MYO7A: variants seen among roughly 807,000 people sequenced by gnomAD.
The protein encoded by MYO7A is myosin VIIA.
Under a neutral mutation model 263.8 loss-of-function variants are expected in MYO7A, and 210 were observed. The ratio of observed to expected loss-of-function variants is 0.80; its 90% CI spans 0.71 to 0.89. The LOEUF is 0.89. Among genes scored for constraint, MYO7A ranks in the 40% least tolerant of loss-of-function variants. MYO7A has a pLI of 0.00. For synonymous variants in MYO7A, 1,239 were observed against 1,197.3 expected, an observed-to-expected ratio of 1.03 and a Z score of -0.72; for missense variants, 2,820 against 2,968.3, an observed-to-expected ratio of 0.95 and a Z score of 1.16.
chr11:77,158,220 C>A, intron 8 of MYO7A, 57 bp from the exon 9 acceptor site: 1 of 1,496,218 alleles, frequency 6.7e-7, no homozygotes, highest in East Asian at 2.4e-5. Context: ...CAGGCACTGC[C>A]CCTCTGGGGG....
intron 2 of MYO7A, among the ~76,000 whole-genome samples, chr11:77,135,980 C>T (rs1220344276): frequency 2.0e-5 from 3 of 152,154 alleles, no homozygotes; most frequent in African/African-American, 7.2e-5. Flanking sequence ...TACAGTAGTG[C>T]CATCAAACTC....
chr11:77,157,105 C>T (rs1555063522), intron 7 of MYO7A, 101 bp downstream of exon 7: 3 of 1,514,166 alleles, frequency 2.0e-6, no homozygotes, highest in Non-Finnish European at 2.7e-6. Context: ...TGCTCCCCCA[C>T]CTGCCCGTAT....
intron 29 of MYO7A, among the ~76,000 whole-genome samples, 197 bp downstream of exon 29, chr11:77,190,336 C>T (rs963154654): frequency 9.2e-5 from 14 of 152,234 alleles, no homozygotes; most frequent in Non-Finnish European, 2.9e-5. Flanking sequence ...ATGAGGGACT[C>T]CATTTGCTGG....
At chr11:77,159,418 C>A in intron 9 of MYO7A, 29 bp from the exon 10 acceptor site, 2 of 1,524,372 alleles carry the variant, frequency 1.3e-6, no homozygotes, top group Middle Eastern at 1.7e-4. Context: ...CCCTCCCTCC[C>A]CTGATGCTGT....
intron 15 of MYO7A, among the ~76,000 whole-genome samples, chr11:77,169,729 C>T (rs1555074838): frequency 6.6e-6 from 1 of 152,096 alleles, no homozygotes; most frequent in East Asian, 1.9e-4. Flanking sequence ...GTGAATAAAA[C>T]AGAAAAAGTC....
chr11:77,166,514 G>A (rs1953563982), intron 15 of MYO7A, among the ~76,000 whole-genome samples: 1 of 152,138 alleles, frequency 6.6e-6, no homozygotes, highest in Non-Finnish European at 1.5e-5. Flanking sequence ...AAGGATGTGG[G>A]GTGGGTGTGG....
In MYO7A at chr11:77,157,857, C is replaced by A. The variant is rs145314757; in HGVS notation, c.850-420C>A. Among the ~76,000 whole-genome samples the A allele has an allele frequency of 2.3e-3, 355 of 152,330 alleles. 1 individual carries two copies. Among genetic ancestry groups the A allele is most frequent in the African/African-American group, 8.2e-3 (339 of 41,584 alleles). On this transcript the variant is annotated intron_variant, in intron 8 of 48. Transcript: ENST00000409709. ...AATGGGGTGTGCCCACTGTTGAAAC[C>A]CTGCTCGTATGCAGTTACCTCTCCT...
intron 14 of MYO7A, among the ~76,000 whole-genome samples, chr11:77,165,814 G>A (rs892116366): frequency 2.2e-4 from 33 of 152,304 alleles, no homozygotes; most frequent in African/African-American, 7.9e-4. Context: ...CCTGGAGACT[G>A]AGACCCCCCT....
chr11:77,198,853 G>C (rs1390569222), intron 34 of MYO7A, among the ~76,000 whole-genome samples: 1 of 152,232 alleles, frequency 6.6e-6, no homozygotes, highest in African/African-American at 2.4e-5. Flanking sequence ...GTCAGGACAG[G>C]CAGGGGCAGG....
chr11:77,189,144 GCCCGATGATCCTGTCT>G (rs1260872754), intron 27 of MYO7A, among the ~76,000 whole-genome samples, 184 bp from the exon 28 acceptor site: 1 of 152,156 alleles, frequency 6.6e-6, no homozygotes, highest in Non-Finnish European at 1.5e-5. Flanking sequence ...GGTGCTTTAT[GCCCGATGATCCTGTCT>G]CCAAAGCCAG....
intron 44 of MYO7A, chr11:77,209,080 A>C (rs1957685873): frequency 2.4e-6 from 1 of 415,380 alleles, no homozygotes; most frequent in South Asian, 4.2e-5. Flanking sequence ...CTATCCTCTG[A>C]CTTCGAGATT....
intron 15 of MYO7A, among the ~76,000 whole-genome samples, chr11:77,171,951 A>T (rs893958101): frequency 6.6e-6 from 1 of 152,086 alleles, no homozygotes; most frequent in South Asian, 2.1e-4. Flanking sequence ...TGGCTGGTGG[A>T]GCACAGAACC....
At chr11:77,160,887 G>C in intron 11 of MYO7A, 86 bp from the exon 12 acceptor site, 7 of 1,484,556 alleles carry the variant, frequency 4.7e-6, no homozygotes, top group Non-Finnish European at 6.4e-6. Flanking sequence ...ACAAGGGCTG[G>C]AGCGACACCA....
intron 4 of MYO7A, among the ~76,000 whole-genome samples, chr11:77,152,250 G>A (rs1555057577): frequency 1.3e-5 from 2 of 152,252 alleles, no homozygotes; most frequent in African/African-American, 2.4e-5. Context: ...ACAGATGGTA[G>A]CATCCCTCCC....
chr11:77,204,481 C>A (rs560196544), intron 39 of MYO7A, among the ~76,000 whole-genome samples: 1 of 152,212 alleles, frequency 6.6e-6, no homozygotes, highest in African/African-American at 2.4e-5. Flanking sequence ...CTCCTCCTAA[C>A]GTTTGGCTGG....
Position 77,179,911 on chromosome 11 carries a change from G to A in MYO7A, c.2544G>A (p.Arg848=), listed in dbSNP as rs1555082924. 1.3e-6 allele frequency: 2 copies of A among 1,535,506 alleles called. No homozygotes were observed. Among genetic ancestry groups the A allele is most frequent in the Non-Finnish European group, 1.7e-6 (2 of 1,143,858 alleles). The change falls in exon 21 of 49, where the codon CGG becomes CGA. Residue 848 remains arginine, a synonymous_variant. Transcript: ENST00000409709. ...WAVLTVQAYA[R]GMIARRLHQR... is the part of the protein sequence containing the mutation. ...TGCTCACCGTGCAGGCCTATGCCCG[G>A]GGCATGATCGCCCGCAGGCTGCACC...
chr11:77,176,195 C>T (rs565807391), intron 18 of MYO7A, among the ~76,000 whole-genome samples: 32 of 152,350 alleles, frequency 2.1e-4, no homozygotes, highest in African/African-American at 7.7e-4. Context: ...GGGACAAGAA[C>T]CAGCTCCGAA....
chr11:77,154,534 C>T lies in MYO7A; in HGVS notation c.286-1373C>T, dbSNP rs577618508. Among the ~76,000 whole-genome samples, 7 of 152,294 alleles carry T rather than the reference C, an allele frequency of 4.6e-5. No homozygotes were observed. In the East Asian group the frequency reaches 1.4e-3, roughly 29 times the overall value. ...GCAACCTCAGACCAACTGCGGAGGG[C>T]GGGTGAGTGTGGCACAGAGAGCCAG... On this transcript the variant is annotated intron_variant, in intron 4 of 48. Coordinates refer to ENST00000409709, the MANE Select transcript of MYO7A (RefSeq NM_000260.4).
rs1324876541 is a variant in MYO7A, at chr11:77,214,031, TAGCC to T, written c.6558+57_6558+60del. ...TGGGCTCCCTGCCTTGCCTGCAGCGTAGCCAGCCTCCCAGGGCCTGGAACAAACA... is the reference window on the plus strand; with the variant it reads ...TGGGCTCCCTGCCTTGCCTGCAGCGTAGCCTCCCAGGGCCTGGAACAAACA... On this transcript the variant is annotated intron_variant, in intron 48 of 48. Coordinates refer to ENST00000409709, the MANE Select transcript of MYO7A (RefSeq NM_000260.4). 1.2e-5 allele frequency: 20 copies of T among 1,609,868 alleles called. No individual in the cohort carries two copies. The Admixed American group carries it at 3.2e-4, about 26-fold the overall frequency.
Sources: gnomAD v4.1 joint callset for allele counts (sites outside exome capture counted in the v4.1 genomes callset) on GRCh38, gnomAD v4.1.1 for gene constraint, MANE v1.5 for transcripts, NCBI Gene and HGNC (gene_info 2026-07-23, HGNC 2026-07-21) for gene names.